Variants in PIBF1 observed in about 807,000 individuals in gnomAD.
PIBF1 encodes progesterone immunomodulatory binding factor 1.
PIBF1 carries 90 observed loss-of-function variants against 112.5 expected under a neutral mutation model. The observed-to-expected ratio is 0.80, with a 90% CI of 0.67 to 0.95. PIBF1 has a LOEUF of 0.95. Ranked by LOEUF, PIBF1 falls within the 40% of genes least tolerant of loss-of-function variation. PIBF1 has a pLI of 0.00. For missense variants in PIBF1, 915 were observed against 852.3 expected (o/e 1.07, Z -0.92); for synonymous variants, 301 against 288.6 (o/e 1.04, Z -0.44).
intron 13 of PIBF1, among the ~76,000 whole-genome samples, chr13:72,925,375 A>G (rs993444587): frequency 2.0e-5 from 3 of 152,178 alleles, no homozygotes; most frequent in African/African-American, 4.8e-5. Context: ...CATTCATTCA[A>G]TAGATAATTT....
chr13:72,839,632 G>A (rs1477494377), intron 9 of PIBF1, among the ~76,000 whole-genome samples: 2 of 151,966 alleles, frequency 1.3e-5, no homozygotes, highest in African/African-American at 2.4e-5. Context: ...AAAATATATG[G>A]GAACTTCCTA....
intron 8 of PIBF1, among the ~76,000 whole-genome samples, chr13:72,833,723 G>A (rs2037225662): frequency 6.6e-6 from 1 of 152,112 alleles, no homozygotes; most frequent in African/African-American, 2.4e-5. Flanking sequence ...GGATACACGG[G>A]GGTCAGGGAC....
At chr13:72,910,403 TTTTGA>T (rs892784859) in intron 12 of PIBF1, among the ~76,000 whole-genome samples, 1 of 152,218 alleles carries the variant, frequency 6.6e-6, no homozygotes, top group African/African-American at 2.4e-5. Context: ...CATATTATTG[TTTTGA>T]AAGTTTCATA....
chr13:72,904,473 C>T (rs1329708449), intron 11 of PIBF1, among the ~76,000 whole-genome samples: 35 of 48,598 alleles, frequency 7.2e-4, no homozygotes, highest in Admixed American at 1.2e-3. Context: ...AGGAGTCCTG[C>T]TCTGTCACCC....
At chr13:72,851,154 A>T (rs1257596596) in intron 9 of PIBF1, among the ~76,000 whole-genome samples, 1 of 152,208 alleles carries the variant, frequency 6.6e-6, no homozygotes, top group African/African-American at 2.4e-5. Context: ...CTGAGCCAGC[A>T]GGAGCCGGAA....
rs756240576 is a variant in PIBF1, at chr13:73,015,892, G to A, written c.2247G>A (p.Trp749Ter). The change falls in exon 18 of 18, where the codon TGG (tryptophan) becomes TGA (stop). Residue 749 changes from tryptophan (W) to a stop codon, truncating the protein, a stop_gained. Coordinates refer to ENST00000326291, the MANE Select transcript of PIBF1 (RefSeq NM_006346.4). LOFTEE classifies it high-confidence loss of function. ...AGACTAAAAAAGAAGCACCTGAGTG[G>A]TCTAAGAAACAAAAGATGAAGACCT... ...TLFTKKEAPE[W>*]SKKQKMKT 1.3e-6 allele frequency: 2 copies of A among 1,588,356 alleles called. No individual in the cohort carries two copies. The highest frequency in any genetic ancestry group is 8.6e-7 in the Non-Finnish European group (1 of 1,165,596).
chr13:72,798,750 G>T (rs1175243562), intron 5 of PIBF1, among the ~76,000 whole-genome samples: 1 of 152,154 alleles, frequency 6.6e-6, no homozygotes, highest in African/African-American at 2.4e-5. Context: ...CCATGTAACA[G>T]TTGGAAATGG....
chr13:72,882,359 C>G (rs1051564240), intron 10 of PIBF1, among the ~76,000 whole-genome samples: 1 of 152,128 alleles, frequency 6.6e-6, no homozygotes, highest in Non-Finnish European at 1.5e-5. Flanking sequence ...GAGAAACGCT[C>G]TAGGACATTG....
intron 5 of PIBF1, among the ~76,000 whole-genome samples, chr13:72,819,546 A>G (rs2036445331): frequency 6.6e-6 from 1 of 152,018 alleles, no homozygotes; most frequent in African/African-American, 2.4e-5. Context: ...TTGCCGACTG[A>G]TTTGGATTTG....
intron 16 of PIBF1, among the ~76,000 whole-genome samples, chr13:72,996,693 C>T (rs557943789): frequency 2.0e-5 from 3 of 151,484 alleles, no homozygotes; most frequent in South Asian, 2.1e-4. Flanking sequence ...GAGGCTGAGG[C>T]GGTAGGATGG....
chr13:72,813,101 TAG>T (rs1225994739), intron 5 of PIBF1, among the ~76,000 whole-genome samples: 2 of 152,212 alleles, frequency 1.3e-5, no homozygotes, highest in Non-Finnish European at 2.9e-5. Flanking sequence ...GATGACAATA[TAG>T]AGTTGTCACA....
intron 11 of PIBF1, among the ~76,000 whole-genome samples, chr13:72,907,082 G>GT (rs1302390887): frequency 2.6e-5 from 4 of 151,996 alleles, no homozygotes; most frequent in Admixed American, 2.6e-4. Flanking sequence ...CACACATTTT[G>GT]TTTTTTCTGA....
chr13:72,931,822 A>C (rs1321729430), intron 14 of PIBF1, among the ~76,000 whole-genome samples: 2 of 148,172 alleles, frequency 1.3e-5, no homozygotes, highest in African/African-American at 4.9e-5. Context: ...TTGAAATGCG[A>C]GTCATAAAAC....
chr13:72,981,413 G>A (rs2043154833), intron 16 of PIBF1, among the ~76,000 whole-genome samples: 1 of 152,076 alleles, frequency 6.6e-6, no homozygotes, highest in Admixed American at 6.6e-5. Flanking sequence ...TTGAGCAAAA[G>A]TGATAGGAAA....
intron 9 of PIBF1, among the ~76,000 whole-genome samples, chr13:72,843,660 C>G (rs1319060190): frequency 2.0e-5 from 3 of 152,204 alleles, no homozygotes; most frequent in Non-Finnish European, 2.9e-5. Flanking sequence ...GATCTACCCA[C>G]CTCGGCCTCC....
At chr13:73,003,346 G>A (rs1181655953) in intron 17 of PIBF1, among the ~76,000 whole-genome samples, 1 of 151,844 alleles carries the variant, frequency 6.6e-6, no homozygotes, top group African/African-American at 2.4e-5. Flanking sequence ...TCCGCCTCCT[G>A]GGTTCAAGCA....
intron 11 of PIBF1, among the ~76,000 whole-genome samples, chr13:72,898,716 C>T (rs1400886861): frequency 1.3e-5 from 2 of 150,264 alleles, no homozygotes; most frequent in African/African-American, 4.9e-5. Context: ...GGGCATGTGG[C>T]TCATGCCTGT....
At chr13:72,784,570 G>A (rs944829781) in intron 2 of PIBF1, among the ~76,000 whole-genome samples, 1 of 152,026 alleles carries the variant, frequency 6.6e-6, no homozygotes, top group Non-Finnish European at 1.5e-5. Context: ...ACTACCCTGA[G>A]CAACATGGTG....
chr13:72,901,427 G>A (rs1208612104), intron 11 of PIBF1, among the ~76,000 whole-genome samples: 5 of 152,150 alleles, frequency 3.3e-5, no homozygotes, highest in Non-Finnish European at 7.3e-5. Flanking sequence ...GGTGGCTCAC[G>A]CCTGTAATCC....
Sources: gnomAD v4.1 joint callset for allele counts (sites outside exome capture counted in the v4.1 genomes callset) on GRCh38, gnomAD v4.1.1 for gene constraint, MANE v1.5 for transcripts, NCBI Gene and HGNC (gene_info 2026-07-23, HGNC 2026-07-21) for gene names.